The following UBQLN1 variants were observed in gnomAD, a reference collection of about 807,000 sequenced individuals.
UBQLN1 encodes ubiquilin 1, also known as ubiquilin-1.
UBQLN1 carries 13 observed loss-of-function variants against 65.4 expected under a neutral mutation model. The observed-to-expected ratio is 0.20, with a 90% CI of 0.13 to 0.32. UBQLN1 has a LOEUF of 0.32. UBQLN1 is among the 10% of genes least tolerant of loss of function. UBQLN1 has a pLI of 1.00. For synonymous variants in UBQLN1, 267 were observed against 247.8 expected (o/e 1.08, Z -0.73); for missense variants, 561 against 724.0 (o/e 0.77, Z 2.58).
rs1018554023 is a variant in UBQLN1, at chr9:83,707,761, C to T, written c.-82G>A. ...AGGAGGAGCCAGCAGACACCAGAGCCGGCAGGCCTGGACAGCGAAGAATGC... is the reference window on the plus strand; with the variant it reads ...AGGAGGAGCCAGCAGACACCAGAGCTGGCAGGCCTGGACAGCGAAGAATGC... On this transcript the variant is annotated 5_prime_UTR_variant, in exon 1 of 11. Coordinates refer to ENST00000376395, the MANE Select transcript of UBQLN1 (RefSeq NM_013438.5). 1 of 1,467,106 alleles carries T rather than the reference C, an allele frequency of 6.8e-7. No individual in the cohort carries two copies. Among genetic ancestry groups the T allele is most frequent in the Non-Finnish European group, 8.9e-7 (1 of 1,117,902 alleles). The allele number at this position is 1,467,106 out of a possible 1,614,324, so 90.9% of individuals were successfully genotyped here. A position where few individuals can be genotyped will look rare whatever the true frequency, so the allele number is the denominator to read the frequency against.
At position 83,694,662 on chromosome 9, in the gene UBQLN1, C is replaced by T. The variant is rs369384141; in HGVS notation, c.181-8507G>A. On this transcript the variant is annotated intron_variant, in intron 1 of 10. Coordinates refer to ENST00000376395, the MANE Select transcript of UBQLN1 (RefSeq NM_013438.5). ...GACAAGAATAACAAACTAAATGTTT[C>T]ACTATTCACATGCTAGGATAGATAT... Among the ~76,000 whole-genome samples, 14 of 152,280 alleles carry T rather than the reference C, an allele frequency of 9.2e-5. No homozygotes were observed. In the South Asian group the frequency reaches 2.9e-3, roughly 32 times the overall value.
chr9:83,664,188 G>A (rs1262015927), intron 9 of UBQLN1, 145 bp from the exon 10 acceptor site: 14 of 750,652 alleles, frequency 1.9e-5, no homozygotes, highest in South Asian at 6.7e-5. Flanking sequence ...CTGGGAGACC[G>A]ATGATCCCAG....
At position 83,695,884 on chromosome 9, in the gene UBQLN1, T is replaced by C. The variant is rs555786992; in HGVS notation, c.181-9729A>G. 1.4e-4 allele frequency among the ~76,000 whole-genome samples: 21 copies of C among 152,260 alleles called. No homozygotes were observed. In the South Asian group the frequency reaches 1.5e-3, roughly 11 times the overall value. ...AGATTTAAGTATCAACTTCAGTCTC[T>C]AAAAAAAGCTCCTAATCTCAATTTA... On this transcript the variant is annotated intron_variant, in intron 1 of 10. Transcript: ENST00000376395.
intron 1 of UBQLN1, among the ~76,000 whole-genome samples, chr9:83,695,958 T>G (rs2131181582): frequency 6.6e-6 from 1 of 152,294 alleles, no homozygotes; most frequent in African/African-American, 2.4e-5. Context: ...TTTTTTTTTT[T>G]GAGTCGGAGT....
intron 6 of UBQLN1, among the ~76,000 whole-genome samples, chr9:83,673,591 G>A (rs997212515): frequency 9.5e-5 from 13 of 136,372 alleles, no homozygotes; most frequent in Admixed American, 1.5e-4. Context: ...CTGCGCTTAC[G>A]TTTTTATTTT....
intron 1 of UBQLN1, among the ~76,000 whole-genome samples, chr9:83,693,435 G>A (rs1210609570): frequency 6.6e-6 from 1 of 151,464 alleles, no homozygotes; most frequent in African/African-American, 2.4e-5. Flanking sequence ...AGACTCTCAA[G>A]GTATCTTGTA....
chr9:83,700,385 T>G (rs558249049), intron 1 of UBQLN1, among the ~76,000 whole-genome samples: 1 of 152,214 alleles, frequency 6.6e-6, no homozygotes, highest in African/African-American at 2.4e-5. Context: ...CAATAAGTAG[T>G]TATTACTGAA....
Position 83,696,996 on chromosome 9 carries a change from G to C in UBQLN1, c.180+10504C>G, listed in dbSNP as rs1048145237. Among the ~76,000 whole-genome samples the C allele has an allele frequency of 6.6e-5, 10 of 151,814 alleles. No individual in the cohort carries two copies. The East Asian group carries it at 1.9e-3, about 29-fold the overall frequency. Reference sequence around the variant, plus strand: ...TTGCTATGTTGCCCAGGCTGGCGTGGAACTCTTGGGCTCAAGTAATTCTCC... The same window carrying C: ...TTGCTATGTTGCCCAGGCTGGCGTGCAACTCTTGGGCTCAAGTAATTCTCC... On this transcript the variant is annotated intron_variant, in intron 1 of 10. Transcript: ENST00000376395.
intron 7 of UBQLN1, chr9:83,667,434 A>T: frequency 1.1e-6 from 1 of 937,330 alleles, no homozygotes; most frequent in Non-Finnish European, 1.3e-6. Context: ...TGGTAGAGAA[A>T]ATTCGCCCCA....
chr9:83,699,716 T>C (rs1832279809), intron 1 of UBQLN1, among the ~76,000 whole-genome samples: 1 of 152,198 alleles, frequency 6.6e-6, no homozygotes, highest in Non-Finnish European at 1.5e-5. Flanking sequence ...GAACAAGATA[T>C]ATTAACAGGA....
chr9:83,698,613 T>C (rs1015041696), intron 1 of UBQLN1, among the ~76,000 whole-genome samples: 5 of 152,248 alleles, frequency 3.3e-5, no homozygotes, highest in African/African-American at 1.2e-4. Flanking sequence ...TATTATTCAG[T>C]CATACACAGT....
intron 9 of UBQLN1, among the ~76,000 whole-genome samples, 168 bp downstream of exon 9, chr9:83,664,862 T>G (rs1831617469): frequency 7.4e-6 from 1 of 135,854 alleles, no homozygotes; most frequent in Non-Finnish European, 1.5e-5. Flanking sequence ...GAGGCTGCAG[T>G]GAGCCACAAC....
At chr9:83,697,551 C>CA (rs750268209) in intron 1 of UBQLN1, among the ~76,000 whole-genome samples, 6,607 of 34,396 alleles carry the variant, frequency 0.19, 1,910 homozygotes, top group African/African-American at 0.38. Context: ...GACACTGTCT[C>CA]AAAAAAAAAA....
chr9:83,678,032 T>TTA (rs1831870430), intron 5 of UBQLN1, 71 bp from the exon 6 acceptor site: 1 of 1,305,254 alleles, frequency 7.7e-7, no homozygotes, highest in Non-Finnish European at 1.0e-6. Flanking sequence ...ACTTTTTTTT[T>TTA]TTTTTTTGAG....
chr9:83,681,608 C>A (rs1445622743), intron 3 of UBQLN1, among the ~76,000 whole-genome samples: 1 of 152,146 alleles, frequency 6.6e-6, no homozygotes, highest in East Asian at 1.9e-4. Context: ...ACAATGAACA[C>A]CATATACAAA....
At chr9:83,706,465 T>C (rs1275160274) in intron 1 of UBQLN1, among the ~76,000 whole-genome samples, 1 of 152,184 alleles carries the variant, frequency 6.6e-6, no homozygotes, top group Non-Finnish European at 1.5e-5. Context: ...CTTCACAAAA[T>C]ACACTACCTT....
At chr9:83,665,169 G>A in intron 8 of UBQLN1, 24 bp from the exon 9 acceptor site, 8 of 1,516,670 alleles carry the variant, frequency 5.3e-6, no homozygotes, top group Non-Finnish European at 7.2e-6. Flanking sequence ...AAAACTAGTG[G>A]TTACAAAGGA....
At position 83,680,142 on chromosome 9, in the gene UBQLN1, C is replaced by T. The variant is rs115359734; in HGVS notation, c.449-105G>A. On this transcript the variant is annotated intron_variant, in intron 3 of 10. Coordinates refer to ENST00000376395, the MANE Select transcript of UBQLN1 (RefSeq NM_013438.5). The stretch of plus-strand genomic sequence containing the variant: ...AAAAAGTATTAGCTGACCCAATAGT[C>T]TATTACAAGAAATCATTTAAAAACA... The T allele has an allele frequency of 1.4e-3, 1,676 of 1,187,850 alleles. 21 individuals carry two copies. The African/African-American group carries it at 0.023, about 16-fold the overall frequency. The allele number at this position is 1,187,850 out of a possible 1,614,324, so 73.6% of individuals were successfully genotyped here. A position where few individuals can be genotyped will look rare whatever the true frequency, so the allele number is the denominator to read the frequency against.
intron 6 of UBQLN1, among the ~76,000 whole-genome samples, chr9:83,674,178 G>A (rs1831787965): frequency 7.1e-6 from 1 of 140,478 alleles, no homozygotes; most frequent in African/African-American, 2.6e-5. Flanking sequence ...CAAAATCACT[G>A]CAGCATTAAA....
Sources: gnomAD v4.1 joint callset for allele counts (sites outside exome capture counted in the v4.1 genomes callset) on GRCh38, gnomAD v4.1.1 for gene constraint, MANE v1.5 for transcripts, NCBI Gene and HGNC (gene_info 2026-07-23, HGNC 2026-07-21) for gene names.